PECAM1: variants seen among roughly 807,000 people sequenced by gnomAD.
PECAM1 encodes platelet endothelial cell adhesion molecule.
Under a neutral mutation model 13.8 loss-of-function variants are expected in PECAM1, and 8 were observed. The ratio of observed to expected loss-of-function variants is 0.58; its 90% confidence interval spans 0.34 to 1.05. PECAM1 has a LOEUF of 1.05. Ranked by LOEUF, PECAM1 falls within the 50% of genes least tolerant of loss-of-function variation. PECAM1 has a pLI of 0.03. For synonymous variants in PECAM1, 136 were observed against 52.6 expected, an observed-to-expected ratio of 2.58 and a Z score of -6.86; for missense variants, 304 against 141.2, an observed-to-expected ratio of 2.15 and a Z score of -5.84.
rs2034797312 is a variant in PECAM1, at chr17:64,320,565, GC to G, written c.*3250del. 1 of 152,382 alleles carries G rather than the reference GC, an allele frequency of 6.6e-6. No individual in the cohort carries two copies. The highest frequency in any genetic ancestry group is 2.4e-5 in the African/African-American group (1 of 41,442). 9.4% of individuals were successfully genotyped at this position (152,382 alleles called of 1,614,324 possible). On this transcript the variant is annotated 3_prime_UTR_variant, in exon 16 of 16. Coordinates refer to ENST00000563924, the MANE Select transcript of PECAM1 (RefSeq NM_000442.5). ...GGATCCCCCAAAGTCTGTGTTGGAA[GC>G]CCCTCCCATGTGCCCTTGTTTGAGC... is the stretch of plus-strand genomic sequence containing the variant.
At chr17:64,337,596 G>A (rs1448711621) in intron 14 of PECAM1, among the ~76,000 whole-genome samples, 1 of 152,070 alleles carries the variant, frequency 6.6e-6, no homozygotes, top group Non-Finnish European at 1.5e-5. Context: ...GCCTCAGAAC[G>A]GGGACTGGGA....
In PECAM1 at chr17:64,375,200, TTC is replaced by T. The variant is rs2036329049; in HGVS notation, c.540_541del (p.Lys181GlufsTer15). ...CACAAAATTCTGGTCTCGAGAATTC[TTC>T]TCTCTTTTCAGCTTGACCATTTTTT... is the stretch of plus-strand genomic sequence containing the variant. On this transcript the variant is annotated frameshift_variant, in exon 4 of 16. Transcript: ENST00000563924. LOFTEE classifies it high-confidence loss of function. 1 of 475,280 alleles carries T rather than the reference TTC, an allele frequency of 2.1e-6. No homozygotes were observed. The highest frequency in any genetic ancestry group is 3.9e-6 in the Non-Finnish European group (1 of 259,062). The allele number at this position is 475,280 out of a possible 1,614,324, so 29.4% of individuals were successfully genotyped here. A position where few individuals can be genotyped will look rare whatever the true frequency, so the allele number is the denominator to read the frequency against.
At chr17:64,335,746 A>G (rs2035260579) in intron 14 of PECAM1, among the ~76,000 whole-genome samples, 1 of 152,222 alleles carries the variant, frequency 6.6e-6, no homozygotes, top group Admixed American at 6.5e-5. Flanking sequence ...TAGGGCTCCA[A>G]GTGTCTCACA....
chr17:64,342,546 T>G (rs926951888), intron 13 of PECAM1, among the ~76,000 whole-genome samples: 1 of 152,146 alleles, frequency 6.6e-6, no homozygotes, highest in Non-Finnish European at 1.5e-5. Flanking sequence ...GGCTGGCTGT[T>G]TTCACTGCTG....
chr17:64,325,877 A>T (rs2034942271), intron 15 of PECAM1, among the ~76,000 whole-genome samples: 1 of 152,216 alleles, frequency 6.6e-6, no homozygotes, highest in African/African-American at 2.4e-5. Flanking sequence ...CTGGACCCTT[A>T]TCTGACCCAC....
At chr17:64,367,961 T>C (rs935507202) in intron 5 of PECAM1, among the ~76,000 whole-genome samples, 1 of 152,278 alleles carries the variant, frequency 6.6e-6, no homozygotes, top group South Asian at 2.1e-4. Flanking sequence ...AGTTGGGTAG[T>C]TGGTAGCCTA....
chr17:64,363,153 T>C lies in PECAM1; in HGVS notation c.1212A>G (p.Val404=), dbSNP rs899803214. The C allele has an allele frequency of 2.1e-6, 1 of 475,400 alleles. No individual in the cohort carries two copies. Among genetic ancestry groups the C allele is most frequent in the Non-Finnish European group, 3.9e-6 (1 of 259,042 alleles). The allele number at this position is 475,400 out of a possible 1,614,324, so 29.4% of individuals were successfully genotyped here. A position where few individuals can be genotyped will look rare whatever the true frequency, so the allele number is the denominator to read the frequency against. Residue 404 remains valine (V), a synonymous_variant, in exon 6 of 16, where the codon GTA becomes GTG. Transcript: ENST00000563924. ...AGTCAGCAACAATATACTCACCACATACGACTATCTGGACTGTGTTGCTTT... is the reference window on the plus strand; with the variant it reads ...AGTCAGCAACAATATACTCACCACACACGACTATCTGGACTGTGTTGCTTT... The part of the protein sequence containing the change: ...VKKSNTVQIV[V]CEMLSQPRIS...
chr17:64,328,118 C>T (rs2035007602), intron 15 of PECAM1, among the ~76,000 whole-genome samples: 2 of 152,220 alleles, frequency 1.3e-5, no homozygotes, highest in Non-Finnish European at 2.9e-5. Flanking sequence ...CTTTGAGGCC[C>T]AAGGGCCAGC....
At chr17:64,373,620 C>T (rs2036291186) in intron 4 of PECAM1, among the ~76,000 whole-genome samples, 1 of 151,568 alleles carries the variant, frequency 6.6e-6, no homozygotes, top group African/African-American at 2.4e-5. Context: ...GTGGTTTTCT[C>T]TAAGTAGAGG....
intron 14 of PECAM1, among the ~76,000 whole-genome samples, chr17:64,332,879 G>A (rs144083578): frequency 9.9e-5 from 15 of 152,214 alleles, no homozygotes; most frequent in Admixed American, 2.6e-4. Context: ...TGGACTGGGC[G>A]CAGTGGCTCA....
chr17:64,347,065 CATAACTA>C (rs1434052490), intron 13 of PECAM1, among the ~76,000 whole-genome samples: 1 of 152,132 alleles, frequency 6.6e-6, no homozygotes, highest in African/African-American at 2.4e-5. Flanking sequence ...TTAGTAGTAT[CATAACTA>C]ATAATTATCA....
At chr17:64,337,684 C>T (rs2035316390) in intron 14 of PECAM1, among the ~76,000 whole-genome samples, 2 of 152,060 alleles carry the variant, frequency 1.3e-5, no homozygotes. Context: ...TAGTTTCTGC[C>T]TGAGGGGTCA....
chr17:64,346,033 C>A (rs920793192), intron 13 of PECAM1, among the ~76,000 whole-genome samples: 6 of 152,198 alleles, frequency 3.9e-5, no homozygotes, highest in Non-Finnish European at 5.9e-5. Context: ...GACCCCATTG[C>A]CATGTGGTCT....
chr17:64,344,835 T>C (rs1001096751), intron 13 of PECAM1, among the ~76,000 whole-genome samples: 3 of 152,072 alleles, frequency 2.0e-5, no homozygotes, highest in Admixed American at 1.3e-4. Flanking sequence ...AAGCTCTCCA[T>C]TGCCCCCAAG....
At position 64,322,872 on chromosome 17, in the gene PECAM1, C is replaced by A. The variant is rs552923941; in HGVS notation, c.*944G>T. The A allele has an allele frequency of 1.2e-5, 4 of 321,906 alleles. No homozygotes were observed. The highest frequency in any genetic ancestry group is 6.7e-5 in the African/African-American group (3 of 44,578). The allele number at this position is 321,906 out of a possible 1,614,324, so 19.9% of individuals were successfully genotyped here. A position where few individuals can be genotyped will look rare whatever the true frequency, so the allele number is the denominator to read the frequency against. ...CTGATACTACAGGCATGCGCCACCA[C>A]GCCCGGCTAATTCTTGTATTTTTAG... On this transcript the variant is annotated 3_prime_UTR_variant, in exon 16 of 16. Transcript: ENST00000563924.
At chr17:64,358,640 C>T (rs1258623201) in intron 7 of PECAM1, among the ~76,000 whole-genome samples, 1 of 152,142 alleles carries the variant, frequency 6.6e-6, no homozygotes, top group African/African-American at 2.4e-5. Context: ...CCAAACATGA[C>T]CCCTAACATT....
In PECAM1 at chr17:64,390,498, G is replaced by T; in HGVS notation, c.82C>A (p.Gln28Lys). The change falls in exon 2 of 16, where the codon CAA (glutamine) becomes AAA (lysine). Residue 28 changes from glutamine (Q) to lysine (K), a missense_variant. Gln to Lys is a moderately conservative substitution (Grantham distance 53). Coordinates refer to ENST00000563924, the MANE Select transcript of PECAM1 (RefSeq NM_000442.5). ...GAAACATCAGACTTACAGTTTTCTT[G>T]ACCCTCAAGGCTTGAACCTGCAAGA... ...TLLLCSSLEG[Q>K]ENSFTINSVD... 1 of 474,102 alleles carries T rather than the reference G, an allele frequency of 2.1e-6. No homozygotes were observed. The highest frequency in any genetic ancestry group is 3.9e-6 in the Non-Finnish European group (1 of 258,464). The allele number at this position is 474,102 out of a possible 1,614,324, so 29.4% of individuals were successfully genotyped here.
At chr17:64,353,789 T>C (rs1205516653) in intron 9 of PECAM1, among the ~76,000 whole-genome samples, 2 of 152,160 alleles carry the variant, frequency 1.3e-5, no homozygotes, top group Non-Finnish European at 2.9e-5. Flanking sequence ...GGTATTCTCT[T>C]GGTCTTATAC....
At position 64,350,411 on chromosome 17, in the gene PECAM1, G is replaced by T. The variant is rs1438890028; in HGVS notation, c.2013C>A (p.Asn671Lys). The T allele has an allele frequency of 2.3e-5, 10 of 429,570 alleles. No homozygotes were observed. In the East Asian group the frequency reaches 2.7e-4, roughly 11 times the overall value. 26.6% of individuals were successfully genotyped at this position (429,570 alleles called of 1,614,324 possible). A position where few individuals can be genotyped will look rare whatever the true frequency, so the allele number is the denominator to read the frequency against. Residue 671 changes from asparagine to lysine, a missense_variant, in exon 12 of 16, where the codon AAC (asparagine) becomes AAA (lysine). By Grantham distance (94) the Asn-to-Lys change is moderately conservative. Coordinates refer to ENST00000563924, the MANE Select transcript of PECAM1 (RefSeq NM_000442.5). ...SHYGHNDDVR[N>K]HAMKPINDNK... ...TATCATTTATTGGTTTCATTGCATGGTTTCTGACATCGTCATTGTGACCTA... is the reference window on the plus strand; with the variant it reads ...TATCATTTATTGGTTTCATTGCATGTTTTCTGACATCGTCATTGTGACCTA...
Sources: gnomAD v4.1 joint callset for allele counts (sites outside exome capture counted in the v4.1 genomes callset) on GRCh38, gnomAD v4.1.1 for gene constraint, MANE v1.5 for transcripts, NCBI Gene and HGNC (gene_info 2026-07-23, HGNC 2026-07-21) for gene names.